ABTB2: variants seen among roughly 807,000 people sequenced by gnomAD.
The protein encoded by ABTB2 is ankyrin repeat and BTB/POZ domain-containing protein 2.
Under a neutral mutation model 104.1 loss-of-function variants are expected in ABTB2, and 56 were observed. The observed-to-expected ratio is 0.54, with a 90% confidence interval of 0.43 to 0.67. The LOEUF is 0.67. Ranked by LOEUF, ABTB2 falls within the 30% of genes least tolerant of loss-of-function variation. The pLI, the probability that ABTB2 is intolerant of heterozygous loss-of-function variation, is 0.00. For missense variants in ABTB2, 1,279 were observed against 1,407.7 expected (o/e 0.91, Z 1.46); for synonymous variants, 606 against 608.2 (o/e 1.00, Z 0.05).
At chr11:34,325,147 C>A (rs2133113262) in intron 1 of ABTB2, among the ~76,000 whole-genome samples, 1 of 152,204 alleles carries the variant, frequency 6.6e-6, no homozygotes, top group East Asian at 1.9e-4. Flanking sequence ...TCTCAGAGCT[C>A]TGATATTATG....
chr11:34,165,677 G>C (rs1245842121), intron 7 of ABTB2, among the ~76,000 whole-genome samples: 3 of 152,246 alleles, frequency 2.0e-5, no homozygotes, highest in Non-Finnish European at 4.4e-5. Flanking sequence ...TGGATGAGCA[G>C]CACAGAAAAT....
chr11:34,338,568 T>C (rs1590262256), intron 1 of ABTB2, among the ~76,000 whole-genome samples: 1 of 148,976 alleles, frequency 6.7e-6, no homozygotes, highest in East Asian at 1.9e-4. Context: ...TAGCCGGGCG[T>C]GGTGGGGTGC....
At chr11:34,224,761 T>A (rs150082093) in intron 1 of ABTB2, among the ~76,000 whole-genome samples, 1 of 152,186 alleles carries the variant, frequency 6.6e-6, no homozygotes, top group East Asian at 1.9e-4. Flanking sequence ...AGACTGGGCA[T>A]ACAAAAGACA....
At chr11:34,232,449 CAAA>C (rs67998044) in intron 1 of ABTB2, among the ~76,000 whole-genome samples, 1 of 115,324 alleles carries the variant, frequency 8.7e-6, no homozygotes, top group Non-Finnish European at 1.8e-5. Context: ...GACTCTGTCT[CAAA>C]AAAAAAAAAA....
chr11:34,186,555 G>C (rs1227476306), intron 3 of ABTB2, among the ~76,000 whole-genome samples: 2 of 152,224 alleles, frequency 1.3e-5, no homozygotes, highest in African/African-American at 2.4e-5. Flanking sequence ...TGCTGCCCGT[G>C]TTACAAAAAC....
chr11:34,251,927 C>T (rs890650897), intron 1 of ABTB2, among the ~76,000 whole-genome samples: 12 of 152,180 alleles, frequency 7.9e-5, no homozygotes, highest in African/African-American at 2.9e-4. Flanking sequence ...TGGAAATCTG[C>T]AGCCAGTGGA....
chr11:34,262,805 C>T lies in ABTB2; in HGVS notation c.884-58115G>A, dbSNP rs114697645. ...TCAACACCATCCTACTTCCTGCCACCTCTTGTGGGCGATTGTCACCTGCAA... is the reference window on the plus strand; with the variant it reads ...TCAACACCATCCTACTTCCTGCCACTTCTTGTGGGCGATTGTCACCTGCAA... On this transcript the variant is annotated intron_variant, in intron 1 of 16. Transcript: ENST00000435224. 7.0e-3 allele frequency among the ~76,000 whole-genome samples: 1,062 copies of T among 152,304 alleles called. 16 individuals carry two copies. The highest frequency in any genetic ancestry group is 0.024 in the African/African-American group (996 of 41,546).
intron 1 of ABTB2, among the ~76,000 whole-genome samples, chr11:34,212,585 G>C (rs1853494193): frequency 1.3e-5 from 2 of 152,158 alleles, no homozygotes; most frequent in African/African-American, 4.8e-5. Flanking sequence ...GTGGGATTCA[G>C]ACCCAGTGTG....
chr11:34,203,005 G>A (rs1182361802), intron 2 of ABTB2, among the ~76,000 whole-genome samples: 3 of 152,166 alleles, frequency 2.0e-5, no homozygotes, highest in Non-Finnish European at 4.4e-5. Flanking sequence ...CCTTACCTAG[G>A]GGAGGCCTCT....
chr11:34,269,526 T>C (rs1342081121), intron 1 of ABTB2, among the ~76,000 whole-genome samples: 1 of 152,208 alleles, frequency 6.6e-6, no homozygotes, highest in Non-Finnish European at 1.5e-5. Context: ...TTATGCTTTG[T>C]GGACCATGTG....
chr11:34,233,981 G>A (rs1853807947), intron 1 of ABTB2, among the ~76,000 whole-genome samples: 1 of 152,124 alleles, frequency 6.6e-6, no homozygotes, highest in Admixed American at 6.5e-5. Flanking sequence ...CAGTTTCCAG[G>A]GTCATCGCTC....
chr11:34,172,443 TAG>T (rs1565131709), intron 4 of ABTB2, among the ~76,000 whole-genome samples: 1 of 97,814 alleles, frequency 1.0e-5, no homozygotes, highest in Non-Finnish European at 2.1e-5. Flanking sequence ...TGTATATAGA[TAG>T]ATAGATAGAT....
At chr11:34,210,550 T>C (rs1394808855) in intron 1 of ABTB2, among the ~76,000 whole-genome samples, 1 of 152,196 alleles carries the variant, frequency 6.6e-6, no homozygotes. Context: ...ACCAAGACTG[T>C]AACATAACTG....
chr11:34,277,826 T>C (rs1028322911), intron 1 of ABTB2, among the ~76,000 whole-genome samples: 6 of 135,758 alleles, frequency 4.4e-5, no homozygotes, highest in African/African-American at 1.8e-4. Flanking sequence ...TTTTTTGAGA[T>C]GGAGTCGTGC....
At chr11:34,219,633 T>C (rs1853591783) in intron 1 of ABTB2, among the ~76,000 whole-genome samples, 1 of 152,232 alleles carries the variant, frequency 6.6e-6, no homozygotes, top group Non-Finnish European at 1.5e-5. Flanking sequence ...ACCTTTTCTA[T>C]ATTTAGATAC....
chr11:34,180,818 TC>T (rs1322444270), intron 3 of ABTB2, among the ~76,000 whole-genome samples: 1 of 152,220 alleles, frequency 6.6e-6, no homozygotes, highest in Non-Finnish European at 1.5e-5. Context: ...TCCAAGGGTC[TC>T]CTAAGGCCCC....
intron 1 of ABTB2, among the ~76,000 whole-genome samples, chr11:34,268,358 T>A (rs544695188): frequency 7.7e-4 from 117 of 152,324 alleles, no homozygotes; most frequent in Admixed American, 5.9e-4. Context: ...GAAGATGCCA[T>A]CAGTCTGAGA....
chr11:34,295,617 T>C (rs1268805769), intron 1 of ABTB2, among the ~76,000 whole-genome samples: 2 of 152,206 alleles, frequency 1.3e-5, no homozygotes, highest in East Asian at 3.8e-4. Context: ...ACTGTGACCA[T>C]GACCATGCCT....
rs1366157725 is a variant in ABTB2 at position 34,164,785 on chromosome 11, C to T, written c.1889G>A (p.Gly630Asp). Residue 630 changes from glycine (G) to aspartate (D), a missense_variant, in exon 9 of 17, where the codon GGC becomes GAC. Coordinates refer to ENST00000435224, the MANE Select transcript of ABTB2 (RefSeq NM_145804.3). ...CAGCATGCTGAGGAGGGGGTCGGCG[C>T]CTCGGCTCAGCAACAAACTGACCAG... ...YELVSLLLSR[G>D]ADPLLSMLEA... 1.9e-6 allele frequency: 3 copies of T among 1,578,002 alleles called. No individual in the cohort carries two copies. Among genetic ancestry groups the T allele is most frequent in the Non-Finnish European group, 2.6e-6 (3 of 1,168,042 alleles).
Sources: allele counts gnomAD v4.1 joint callset (sites outside exome capture counted in the v4.1 genomes callset), GRCh38; gene constraint gnomAD v4.1.1; transcripts MANE v1.5; gene names NCBI Gene and HGNC (gene_info 2026-07-23, HGNC 2026-07-21).